Variants in LGR6 observed in about 807,000 individuals in gnomAD.
LGR6 encodes leucine rich repeat containing G protein-coupled receptor 6.
A neutral mutation model predicts 69.4 loss-of-function variants in LGR6; 45 were observed. The observed-to-expected ratio is 0.65, with a 90% CI of 0.51 to 0.83. The LOEUF is 0.83. LGR6 is among the 40% of genes least tolerant of loss of function. LGR6 has a pLI of 0.00. For synonymous variants in LGR6, 538 were observed against 555.0 expected, an observed-to-expected ratio of 0.97 and a Z score of 0.43; for missense variants, 1,108 against 1,246.7, an observed-to-expected ratio of 0.89 and a Z score of 1.68.
rs78510238 is a variant in LGR6, at chr1:202,220,651, C to T, written c.213-4772C>T. On this transcript the variant is annotated intron_variant, in intron 1 of 17. Coordinates refer to ENST00000367278, the MANE Select transcript of LGR6 (RefSeq NM_001017403.2). The stretch of plus-strand genomic sequence containing the variant: ...GAGTGTTGTCCTGGGGGGATAACAA[C>T]GGCAGGTGCTGTGCTACATGCATGG... Among the ~76,000 whole-genome samples, 343 of 152,296 alleles carry T rather than the reference C, an allele frequency of 2.3e-3. 2 individuals carry two copies. In the East Asian group the frequency reaches 0.041, roughly 18 times the overall value.
chr1:202,257,968 G>C (rs991876951), intron 4 of LGR6, among the ~76,000 whole-genome samples: 25 of 151,942 alleles, frequency 1.6e-4, no homozygotes, highest in African/African-American at 6.0e-4. Context: ...GATTTATTTA[G>C]GTGTTTTTAA....
At chr1:202,251,227 C>T (rs1319378644) in intron 4 of LGR6, among the ~76,000 whole-genome samples, 1 of 152,180 alleles carries the variant, frequency 6.6e-6, no homozygotes, top group East Asian at 1.9e-4. Context: ...CAGGCCTCCA[C>T]TGTCTGATAG....
At chr1:202,304,721 C>A in intron 11 of LGR6, 91 bp downstream of exon 11, 2 of 1,011,302 alleles carry the variant, frequency 2.0e-6, no homozygotes, top group South Asian at 3.1e-5. Context: ...CCCACTTGGT[C>A]ATTTCCCTTC....
chr1:202,200,494 G>A lies in LGR6; in HGVS notation c.212+6293G>A, dbSNP rs374271192. Reference sequence around the variant, plus strand: ...CTAGTGAGTCACTATTGGGAGCAGGGCCAAGATCAAGGAGCCTGCTGGGGC... The same window carrying A: ...CTAGTGAGTCACTATTGGGAGCAGGACCAAGATCAAGGAGCCTGCTGGGGC... On this transcript the variant is annotated intron_variant, in intron 1 of 17. Coordinates refer to ENST00000367278, the MANE Select transcript of LGR6 (RefSeq NM_001017403.2). Among the ~76,000 whole-genome samples the A allele has an allele frequency of 2.6e-5, 4 of 152,314 alleles. No individual in the cohort carries two copies. In the East Asian group the frequency reaches 5.8e-4, roughly 22 times the overall value.
intron 4 of LGR6, among the ~76,000 whole-genome samples, chr1:202,261,671 A>C (rs995739032): frequency 1.3e-5 from 2 of 152,350 alleles, no homozygotes; most frequent in South Asian, 4.1e-4. Context: ...TGACTTCCAC[A>C]ATGGTTGAAC....
chr1:202,250,172 T>C (rs1663106867), intron 4 of LGR6, among the ~76,000 whole-genome samples: 1 of 152,090 alleles, frequency 6.6e-6, no homozygotes, highest in East Asian at 1.9e-4. Context: ...CCATCCTAAT[T>C]CATCCTTCCC....
At chr1:202,259,942 C>A (rs745626631) in intron 4 of LGR6, among the ~76,000 whole-genome samples, 19 of 152,250 alleles carry the variant, frequency 1.2e-4, no homozygotes, top group Non-Finnish European at 2.5e-4. Context: ...TTGTCCAATG[C>A]CTCAAACCTG....
At chr1:202,198,686 T>TG (rs1558000819) in intron 1 of LGR6, among the ~76,000 whole-genome samples, 27 of 61,788 alleles carry the variant, frequency 4.4e-4, no homozygotes, top group African/African-American at 1.1e-3. Context: ...TTTTTTTTTT[T>TG]TTTTTTTTTT....
At chr1:202,203,884 T>C in intron 1 of LGR6, 1 of 1,607,966 alleles carries the variant, frequency 6.2e-7, no homozygotes, top group South Asian at 1.1e-5. Flanking sequence ...CGGTGAGTTG[T>C]TGCATGAAGC....
intron 12 of LGR6, 72 bp downstream of exon 12, chr1:202,305,821 TG>T: frequency 5.7e-6 from 7 of 1,222,608 alleles, no homozygotes; most frequent in East Asian, 2.3e-5. Flanking sequence ...GGAGGTGTGA[TG>T]GGGGGCATCA....
intron 15 of LGR6, among the ~76,000 whole-genome samples, chr1:202,309,959 T>C (rs1269276559): frequency 6.6e-6 from 1 of 152,182 alleles, no homozygotes; most frequent in Non-Finnish European, 1.5e-5. Context: ...CCATCTCACT[T>C]GCCAAGATGA....
chr1:202,317,955 C>T lies in LGR6; in HGVS notation c.1652C>T (p.Pro551Leu), dbSNP rs756414761. Residue 551 changes from proline (P) to leucine (L), a missense_variant, in exon 18 of 18, where the codon CCC (proline) becomes CTC (leucine). Physicochemically the swap from Pro to Leu is moderately conservative, Grantham distance 98 (BLOSUM62 -3). Coordinates refer to ENST00000367278, the MANE Select transcript of LGR6 (RefSeq NM_001017403.2). ...PSVQCSPTPG[P>L]FKPCEYLFES... ...TAATGTCTGATCTCTCCTACAGGCC[C>T]CTTCAAGCCCTGTGAGTACCTCTTT... The T allele has an allele frequency of 1.9e-6, 3 of 1,606,628 alleles. No individual in the cohort carries two copies. The highest frequency in any genetic ancestry group is 2.6e-6 in the Non-Finnish European group (3 of 1,175,844).
rs1294066817 is a variant in LGR6 at position 202,193,950 on chromosome 1, G to A, written c.-40G>A. On this transcript the variant is annotated 5_prime_UTR_variant, in exon 1 of 18. Transcript: ENST00000367278. ...GCTGCGGCCATCGCGCCGTGCGTCC[G>A]CGCCCGGCCGCCAGGTGCCCCAGTA... 2.4e-6 allele frequency: 3 copies of A among 1,248,116 alleles called. No homozygotes were observed. The highest frequency in any genetic ancestry group is 2.2e-5 in the South Asian group (1 of 45,606). 77.3% of individuals were successfully genotyped at this position (1,248,116 alleles called of 1,614,324 possible). A position where few individuals can be genotyped will look rare whatever the true frequency, so the allele number is the denominator to read the frequency against.
At chr1:202,263,381 C>T (rs556323962) in intron 4 of LGR6, among the ~76,000 whole-genome samples, 1 of 152,240 alleles carries the variant, frequency 6.6e-6, no homozygotes, top group South Asian at 2.1e-4. Flanking sequence ...GCCTCAGCCT[C>T]CCAAAATGCT....
intron 5 of LGR6, among the ~76,000 whole-genome samples, chr1:202,279,201 A>G (rs1665818989): frequency 6.6e-6 from 1 of 152,178 alleles, no homozygotes; most frequent in Admixed American, 6.5e-5. Flanking sequence ...GGAAAAATTA[A>G]AACTCCTCAG....
chr1:202,270,825 T>A (rs1665035787), intron 4 of LGR6, among the ~76,000 whole-genome samples: 1 of 152,192 alleles, frequency 6.6e-6, no homozygotes, highest in Non-Finnish European at 1.5e-5. Flanking sequence ...TGGGATGTCC[T>A]ATGACCTGGC....
intron 6 of LGR6, among the ~76,000 whole-genome samples, chr1:202,287,834 T>G (rs788644): frequency 0.48 from 73,606 of 152,092 alleles, 18,754 homozygotes; most frequent in East Asian, 0.7. Context: ...CCGCCATCCT[T>G]CTCTCACCTG....
At chr1:202,299,612 A>G (rs1259200458) in intron 7 of LGR6, among the ~76,000 whole-genome samples, 1 of 152,162 alleles carries the variant, frequency 6.6e-6, no homozygotes, top group Non-Finnish European at 1.5e-5. Flanking sequence ...AACATTAGAC[A>G]CAAAGATGGT....
At chr1:202,310,391 A>AGT in intron 16 of LGR6, 34 bp downstream of exon 16, 1 of 1,606,456 alleles carries the variant, frequency 6.2e-7, no homozygotes, top group Non-Finnish European at 8.5e-7. Flanking sequence ...TGGGGAGGGT[A>AGT]GTGGGCTGTG....
Sources: allele counts gnomAD v4.1 joint callset (sites outside exome capture counted in the v4.1 genomes callset), GRCh38; gene constraint gnomAD v4.1.1; transcripts MANE v1.5; gene names NCBI Gene and HGNC (gene_info 2026-07-23, HGNC 2026-07-21).